ZNF536: variants seen among roughly 807,000 people sequenced by gnomAD.
ZNF536 encodes the protein zinc finger protein 536.
In ZNF536, 13 loss-of-function variants were observed where a neutral mutation model predicts 84.5. That is an observed-to-expected ratio of 0.15 (90% CI 0.10 to 0.24). The LOEUF (loss-of-function observed/expected upper bound fraction) is 0.24. Among genes scored for constraint, ZNF536 ranks in the 10% least tolerant of loss-of-function variants. The probability of loss-of-function intolerance (pLI) is 1.00; values close to 1 mark genes in which losing one functional copy is unlikely to be tolerated. For missense variants in ZNF536, 1,536 were observed against 1,747.5 expected, an observed-to-expected ratio of 0.88 and a Z score of 2.16; for synonymous variants, 811 against 742.5, an observed-to-expected ratio of 1.09 and a Z score of -1.50.
intron 1 of ZNF536, among the ~76,000 whole-genome samples, chr19:30,384,132 CTT>C (rs1568378129): frequency 4.3e-5 from 3 of 69,794 alleles, no homozygotes; most frequent in African/African-American, 1.8e-4. Flanking sequence ...TTCTTTCTTT[CTT>C]TCTTTCTTTC....
At chr19:30,605,222 G>T (rs1401358956) in intron 1 of ZNF536, among the ~76,000 whole-genome samples, 1 of 152,030 alleles carries the variant, frequency 6.6e-6, no homozygotes, top group Non-Finnish European at 1.5e-5. Flanking sequence ...GGGTGCAGAT[G>T]GTTTTTGGTT....
At chr19:30,479,714 A>T (rs2053994345) in intron 2 of ZNF536, among the ~76,000 whole-genome samples, 1 of 152,198 alleles carries the variant, frequency 6.6e-6, no homozygotes, top group East Asian at 1.9e-4. Context: ...TCCACGAGGC[A>T]GCCTCGGGAC....
At chr19:30,357,850 G>A (rs2048148687) in intron 3 of ZNF536, among the ~76,000 whole-genome samples, 1 of 152,166 alleles carries the variant, frequency 6.6e-6, no homozygotes, top group African/African-American at 2.4e-5. Context: ...AGCCCACAGA[G>A]TCCAGCTGTG....
At chr19:30,565,945 A>G (rs947559315) in intron 1 of ZNF536, among the ~76,000 whole-genome samples, 1 of 152,186 alleles carries the variant, frequency 6.6e-6, no homozygotes, top group Non-Finnish European at 1.5e-5. Context: ...AGTGTCATCA[A>G]CCGCATCACA....
intron 3 of ZNF536, among the ~76,000 whole-genome samples, chr19:30,354,436 T>C (rs1447893862): frequency 6.6e-6 from 1 of 152,198 alleles, no homozygotes; most frequent in Non-Finnish European, 1.5e-5. Flanking sequence ...GGTGCAGTCA[T>C]GGCTCACTGC....
In ZNF536 at chr19:30,435,965, T is replaced by G. The variant is rs16964188; in HGVS notation, c.-2-7596T>G. Among the ~76,000 whole-genome samples the G allele has an allele frequency of 8.1e-4, 123 of 152,212 alleles. 2 individuals carry two copies. Among genetic ancestry groups the G allele is most frequent in the Admixed American group, 5.2e-3 (80 of 15,286 alleles). On this transcript the variant is annotated intron_variant, in intron 1 of 4. Transcript: ENST00000355537. ...CAAACCCAAACCAAAAATGGTCACG[T>G]CTTTGAGAATTTTGAAGTCATCCAA...
chr19:30,391,501 G>A (rs1023920560), intron 1 of ZNF536, among the ~76,000 whole-genome samples: 5 of 152,144 alleles, frequency 3.3e-5, no homozygotes, highest in East Asian at 1.9e-4. Context: ...TCTTGAAGCC[G>A]GGAGGCGGAG....
At chr19:30,502,588 C>A (rs1170182880) in intron 2 of ZNF536, among the ~76,000 whole-genome samples, 1 of 152,168 alleles carries the variant, frequency 6.6e-6, no homozygotes, top group East Asian at 1.9e-4. Flanking sequence ...ATCATCGTCT[C>A]ATCAACCTGG....
intron 1 of ZNF536, among the ~76,000 whole-genome samples, chr19:30,647,225 T>C (rs2049508067): frequency 6.6e-6 from 1 of 152,248 alleles, no homozygotes; most frequent in Non-Finnish European, 1.5e-5. Context: ...TTGTCCCTGA[T>C]TAGTGTTTCC....
intron 1 of ZNF536, among the ~76,000 whole-genome samples, chr19:30,388,406 C>T (rs1328437789): frequency 2.6e-5 from 4 of 152,144 alleles, no homozygotes; most frequent in South Asian, 4.1e-4. Context: ...TTAATGGGGG[C>T]GACCCCGCTC....
At chr19:30,385,803 C>G (rs1430167029) in intron 1 of ZNF536, among the ~76,000 whole-genome samples, 1 of 152,198 alleles carries the variant, frequency 6.6e-6, no homozygotes, top group Non-Finnish European at 1.5e-5. Flanking sequence ...CTTCTGAAAT[C>G]TGCATGTGCG....
Position 30,445,342 on chromosome 19 carries a change from C to T in ZNF536, c.1780C>T (p.Leu594=), listed in dbSNP as rs150100779. ...CACTAAAGTGGGCAGCCAGAGAGAC[C>T]TGCCAAGTAAGCTCGACCCTTTAGA... ...HSTKVGSQRD[L]PSKLDPLESS... The change falls in exon 2 of 5, where the codon CTG becomes TTG. Residue 594 remains leucine, a synonymous_variant. Transcript: ENST00000355537. The surrounding 1 kb of genome is among the most constrained non-coding windows in gnomAD (Gnocchi z 4.5). The T allele has an allele frequency of 1.4e-4, 227 of 1,614,178 alleles. No individual in the cohort carries two copies. The African/African-American group carries it at 2.7e-3, about 19-fold the overall frequency.
At chr19:30,582,375 CTTTTTTTTTTTTTTTT>C (rs35509271) in intron 1 of ZNF536, among the ~76,000 whole-genome samples, 1 of 89,174 alleles carries the variant, frequency 1.1e-5, no homozygotes, top group Non-Finnish European at 2.2e-5. Context: ...CCTAGTTTCT[CTTTTTTTTTTTTTTTT>C]TTTTTTTTCA....
intron 1 of ZNF536, among the ~76,000 whole-genome samples, chr19:30,650,004 T>G (rs902888339): frequency 6.6e-6 from 1 of 152,196 alleles, no homozygotes; most frequent in African/African-American, 2.4e-5. Flanking sequence ...GACCAGAAAT[T>G]ATTTGCTTCT....
intron 2 of ZNF536, among the ~76,000 whole-genome samples, chr19:30,460,949 A>G (rs548471342): frequency 2.0e-5 from 3 of 152,280 alleles, no homozygotes; most frequent in African/African-American, 7.2e-5. Flanking sequence ...CCCAGGTAGA[A>G]ACAAGATGCC....
intron 2 of ZNF536, among the ~76,000 whole-genome samples, chr19:30,291,197 A>G (rs1455829924): frequency 6.6e-6 from 1 of 152,222 alleles, no homozygotes; most frequent in Non-Finnish European, 1.5e-5. Flanking sequence ...CTTTGGGTAT[A>G]TATCCAGTAA....
intron 2 of ZNF536, among the ~76,000 whole-genome samples, chr19:30,336,096 G>T (rs890106608): frequency 2.6e-5 from 4 of 152,200 alleles, no homozygotes; most frequent in Non-Finnish European, 5.9e-5. Context: ...AGGTGACCCC[G>T]CCCAGGCTGG....
chr19:30,618,796 C>G (rs920183236), intron 1 of ZNF536, among the ~76,000 whole-genome samples: 5 of 150,972 alleles, frequency 3.3e-5, no homozygotes, highest in Non-Finnish European at 5.9e-5. Flanking sequence ...CCATAGGATT[C>G]TTTTTTTTTC....
chr19:30,320,058 G>A (rs1449218921), intron 2 of ZNF536, among the ~76,000 whole-genome samples: 2 of 152,038 alleles, frequency 1.3e-5, no homozygotes, highest in Admixed American at 1.3e-4. Context: ...GAAATTACTG[G>A]CTCCCATCAG....
Sources: allele counts gnomAD v4.1 joint callset (sites outside exome capture counted in the v4.1 genomes callset), GRCh38; gene constraint gnomAD v4.1.1; non-coding constraint Gnocchi (gnomAD v3.1); transcripts MANE v1.5; gene names NCBI Gene and HGNC (gene_info 2026-07-23, HGNC 2026-07-21).